Variants in PCDHGA9 observed in about 807,000 individuals in gnomAD.
PCDHGA9 encodes protocadherin gamma-A9.
PCDHGA9 carries 37 observed loss-of-function variants against 62.5 expected under a neutral mutation model. That is an observed-to-expected ratio of 0.59 (90% CI 0.46 to 0.78). PCDHGA9 has a LOEUF of 0.78. Among genes scored for constraint, PCDHGA9 ranks in the 30% least tolerant of loss-of-function variants. The pLI is 0.00. For missense variants in PCDHGA9, 1,138 were observed against 1,166.2 expected (o/e 0.98, Z 0.35); for synonymous variants, 459 against 484.6 (o/e 0.95, Z 0.69).
chr5:141,409,476 C>T (rs1195323775), intron 1 of PCDHGA9: 1 of 1,613,982 alleles, frequency 6.2e-7, no homozygotes, highest in South Asian at 1.1e-5. Context: ...ATCGTAGCCA[C>T]TGACAGGGGC....
In PCDHGA9 at chr5:141,485,632, G is replaced by A. The variant is rs1335265010; in HGVS notation, c.2425-9175G>A. On this transcript the variant is annotated intron_variant, in intron 1 of 3. Transcript: ENST00000573521. This position sits in a 1 kb window ranked among gnomAD's most constrained non-coding sequence, Gnocchi z 5.7. ...CAGCTCCTCCAGGACAGCGTTTCCCGTTGGAAAAGGCTCAGGATGCAGATG... is the reference window on the plus strand; with the variant it reads ...CAGCTCCTCCAGGACAGCGTTTCCCATTGGAAAAGGCTCAGGATGCAGATG... 1.2e-6 allele frequency: 2 copies of A among 1,611,766 alleles called. No homozygotes were observed. The highest frequency in any genetic ancestry group is 1.7e-6 in the Non-Finnish European group (2 of 1,178,342).
intron 1 of PCDHGA9, chr5:141,484,966 G>C: frequency 1.7e-6 from 1 of 583,968 alleles, no homozygotes. Context: ...GAGCCCGGGA[G>C]CCGCTGTCTG....
At chr5:141,419,465 G>C (rs568864628) in intron 1 of PCDHGA9, 77 of 1,612,426 alleles carry the variant, frequency 4.8e-5, no homozygotes, top group Non-Finnish European at 6.4e-5. Context: ...GCAGGCCCGC[G>C]ACCAGGGCTC....
At chr5:141,478,574 C>T (rs2099465133) in intron 1 of PCDHGA9, 1 of 1,586,288 alleles carries the variant, frequency 6.3e-7, no homozygotes, top group Non-Finnish European at 8.6e-7. Flanking sequence ...ATGCTTGACC[C>T]TGTTAGTGCT....
rs770619389 is a variant in PCDHGA9 at position 141,490,764 on chromosome 5, T to C, written c.2425-4043T>C. On this transcript the variant is annotated intron_variant, in intron 1 of 3. Coordinates refer to ENST00000573521, the MANE Select transcript of PCDHGA9 (RefSeq NM_018921.3). The surrounding 1 kb of genome is among the most constrained non-coding windows in gnomAD (Gnocchi z 5.4). ...GAGCCCCAGCCTCCTCCTTTGTGTA[T>C]GTCAACCCAGAGGATGGACGGATCT... is the stretch of plus-strand genomic sequence containing the variant. 22 of 1,613,970 alleles carry C rather than the reference T, an allele frequency of 1.4e-5. No individual in the cohort carries two copies. Among genetic ancestry groups the C allele is most frequent in the Non-Finnish European group, 1.6e-5 (19 of 1,179,928 alleles).
chr5:141,508,741 C>G (rs2099871426), intron 3 of PCDHGA9, among the ~76,000 whole-genome samples: 1 of 152,042 alleles, frequency 6.6e-6, no homozygotes, highest in Non-Finnish European at 1.5e-5. Context: ...ACCCCCCACC[C>G]CGCTCTTTCT....
At chr5:141,448,850 C>A (rs1227646790) in intron 1 of PCDHGA9, among the ~76,000 whole-genome samples, 1 of 152,048 alleles carries the variant, frequency 6.6e-6, no homozygotes, top group Non-Finnish European at 1.5e-5. Context: ...GAGGCTGAGG[C>A]AGGAGAATGG....
chr5:141,438,165 G>GA (rs1252266607), intron 1 of PCDHGA9, among the ~76,000 whole-genome samples: 2 of 152,076 alleles, frequency 1.3e-5, no homozygotes, highest in East Asian at 3.8e-4. Flanking sequence ...AAGCTAATTG[G>GA]AAAAAATATT....
chr5:141,419,378 G>C (rs777509820), intron 1 of PCDHGA9: 3 of 1,613,712 alleles, frequency 1.9e-6, no homozygotes, highest in Admixed American at 3.3e-5. Context: ...CTACGTGTCC[G>C]TGAGCGCGCA....
At chr5:141,446,657 A>G (rs2098510367) in intron 1 of PCDHGA9, among the ~76,000 whole-genome samples, 1 of 152,092 alleles carries the variant, frequency 6.6e-6, no homozygotes, top group African/African-American at 2.4e-5. Context: ...TTGTATTTTT[A>G]GTACAAGACA....
intron 1 of PCDHGA9, among the ~76,000 whole-genome samples, chr5:141,492,329 C>T (rs2099739386): frequency 1.3e-5 from 2 of 152,232 alleles, no homozygotes; most frequent in African/African-American, 4.8e-5. Context: ...CGTGGGCTTA[C>T]GCGAATACCA....
chr5:141,432,264 C>A lies in PCDHGA9; in HGVS notation c.2424+26888C>A. On this transcript the variant is annotated intron_variant, in intron 1 of 3. Transcript: ENST00000573521. The surrounding 1 kb of genome is among the most constrained non-coding windows in gnomAD (Gnocchi z 6.0). Reference sequence around the variant, plus strand: ...AACACCATCCAAGGGGCAAGCCTATCGTCCTACGTGTCCATCAACTCCGAC... The same window carrying A: ...AACACCATCCAAGGGGCAAGCCTATAGTCCTACGTGTCCATCAACTCCGAC... 5 of 1,614,252 alleles carry A rather than the reference C, an allele frequency of 3.1e-6. No homozygotes were observed. Among genetic ancestry groups the A allele is most frequent in the Non-Finnish European group, 4.2e-6 (5 of 1,180,044 alleles).
chr5:141,495,005 C>T (rs555909709), intron 2 of PCDHGA9, 140 bp downstream of exon 2: 1,141 of 1,522,692 alleles, frequency 7.5e-4, no homozygotes, highest in Non-Finnish European at 8.4e-4. Context: ...TCTTGGTGTG[C>T]GGGGGGCTGG....
At chr5:141,496,076 C>A (rs2099765713) in intron 2 of PCDHGA9, among the ~76,000 whole-genome samples, 1 of 152,010 alleles carries the variant, frequency 6.6e-6, no homozygotes, top group Non-Finnish European at 1.5e-5. Context: ...GCACACACAA[C>A]CCCCCACCCA....
At chr5:141,421,296 G>C in intron 1 of PCDHGA9, 1 of 1,613,444 alleles carries the variant, frequency 6.2e-7, no homozygotes, top group Non-Finnish European at 8.5e-7. Context: ...TCCTGGGGAC[G>C]CTGCGGGGGT....
rs750033444 is a variant in PCDHGA9 at position 141,432,950 on chromosome 5, G to C, written c.2424+27574G>C. 1.2e-6 allele frequency: 2 copies of C among 1,614,190 alleles called. No homozygotes were observed. The highest frequency in any genetic ancestry group is 1.7e-6 in the Non-Finnish European group (2 of 1,180,032). ...ACGCCTGCTGCAGGCTTCAGGAGGC[G>C]GCTTGACAGGAGCGCCGGCGTCGCA... On this transcript the variant is annotated intron_variant, in intron 1 of 3. Transcript: ENST00000573521. The surrounding 1 kb of genome is among the most constrained non-coding windows in gnomAD (Gnocchi z 6.0).
At position 141,476,943 on chromosome 5, in the gene PCDHGA9, A is replaced by G. The variant is rs538990482; in HGVS notation, c.2425-17864A>G. On this transcript the variant is annotated intron_variant, in intron 1 of 3. Coordinates refer to ENST00000573521, the MANE Select transcript of PCDHGA9 (RefSeq NM_018921.3). This position sits in a 1 kb window ranked among gnomAD's most constrained non-coding sequence, Gnocchi z 7.6. ...GCAACGGATCTGGATGAAGGCCCCA[A>G]CGGTGAAATTATTTACTCCTTCGGC... 14 of 1,614,170 alleles carry G rather than the reference A, an allele frequency of 8.7e-6. No individual in the cohort carries two copies. Among genetic ancestry groups the G allele is most frequent in the South Asian group, 1.1e-5 (1 of 91,086 alleles).
chr5:141,506,115 T>C (rs1211973354), intron 3 of PCDHGA9, among the ~76,000 whole-genome samples: 1 of 152,062 alleles, frequency 6.6e-6, no homozygotes, highest in Admixed American at 6.5e-5. Context: ...GAAGAGTCAC[T>C]AGGGCCCAGA....
chr5:141,474,056 C>T (rs576482294), intron 1 of PCDHGA9, among the ~76,000 whole-genome samples: 37 of 152,136 alleles, frequency 2.4e-4, no homozygotes, highest in Non-Finnish European at 4.9e-4. Flanking sequence ...GATGACAGAG[C>T]GAGATCCTGC....
Sources: allele counts gnomAD v4.1 joint callset (sites outside exome capture counted in the v4.1 genomes callset), GRCh38; gene constraint gnomAD v4.1.1; non-coding constraint Gnocchi (gnomAD v3.1); transcripts MANE v1.5; gene names NCBI Gene and HGNC (gene_info 2026-07-23, HGNC 2026-07-21).